GRXCR2: variants seen among roughly 807,000 people sequenced by gnomAD.
GRXCR2 encodes the protein glutaredoxin and cysteine rich domain containing 2, also known as glutaredoxin domain-containing cysteine-rich protein 2.
In GRXCR2, 23 loss-of-function variants were observed where a neutral mutation model predicts 24.8. The ratio of observed to expected loss-of-function variants is 0.93; its 90% CI spans 0.67 to 1.32. The LOEUF is 1.32. Among genes scored for constraint, GRXCR2 ranks in the 40% most tolerant of loss-of-function variants. The pLI is 0.00. For missense variants in GRXCR2, 315 were observed against 303.4 expected, an observed-to-expected ratio of 1.04 and a Z score of -0.28; for synonymous variants, 130 against 116.1, an observed-to-expected ratio of 1.12 and a Z score of -0.77.
At chr5:145,859,971 A>G (rs185610236) in intron 2 of GRXCR2, 56 bp from the exon 3 acceptor site, 120 of 1,431,612 alleles carry the variant, frequency 8.4e-5, no homozygotes, top group Non-Finnish European at 1.1e-4. Flanking sequence ...CGTTGTTCAC[A>G]TGCAGGTCAA....
At chr5:145,868,502 ATTTCCTATTG>A (rs1756471869) in intron 1 of GRXCR2, among the ~76,000 whole-genome samples, 1 of 151,938 alleles carries the variant, frequency 6.6e-6, no homozygotes, top group African/African-American at 2.4e-5. Context: ...AGCAGCTTCC[ATTTCCTATTG>A]TTTTATGCAG....
chr5:145,895,327 A>G (rs1346196562), intron 2 of GRXCR2, among the ~76,000 whole-genome samples: 1 of 152,088 alleles, frequency 6.6e-6, no homozygotes, highest in Non-Finnish European at 1.5e-5. Flanking sequence ...TTCGACTAGG[A>G]AAAAAGGAAG....
At chr5:145,920,856 T>G (rs1046936323) in intron 2 of GRXCR2, among the ~76,000 whole-genome samples, 1 of 152,202 alleles carries the variant, frequency 6.6e-6, no homozygotes, top group South Asian at 2.1e-4. Flanking sequence ...GGCAGAGACC[T>G]TATAAAAAAG....
intron 1 of GRXCR2, among the ~76,000 whole-genome samples, chr5:145,870,742 A>G (rs58591044): frequency 0.021 from 3,248 of 152,266 alleles, 114 homozygotes; most frequent in African/African-American, 0.073. Context: ...GTGTGCAGCT[A>G]CATGAATCCA....
At chr5:145,860,057 T>A (rs1419467866) in intron 2 of GRXCR2, 142 bp from the exon 3 acceptor site, 6 of 654,004 alleles carry the variant, frequency 9.2e-6, no homozygotes, top group Non-Finnish European at 1.3e-5. Flanking sequence ...GAGAGAATCA[T>A]CTGGGACCCA....
At chr5:145,878,154 C>A (rs926125585) in intron 2 of GRXCR2, among the ~76,000 whole-genome samples, 10 of 152,196 alleles carry the variant, frequency 6.6e-5, no homozygotes, top group African/African-American at 2.4e-4. Context: ...AAGGATCACA[C>A]CTTCTCACCA....
chr5:145,902,746 A>G (rs530372726), intron 2 of GRXCR2, among the ~76,000 whole-genome samples: 2 of 152,316 alleles, frequency 1.3e-5, no homozygotes, highest in African/African-American at 4.8e-5. Flanking sequence ...AACAGCAAAC[A>G]TTTTTGAGCA....
chr5:145,912,953 T>C (rs1044243080), intron 2 of GRXCR2, among the ~76,000 whole-genome samples: 13 of 152,250 alleles, frequency 8.5e-5, no homozygotes, highest in African/African-American at 3.1e-4. Flanking sequence ...GGAAACGCTC[T>C]GATTTACATT....
intron 2 of GRXCR2, among the ~76,000 whole-genome samples, chr5:145,923,593 G>T (rs1479288961): frequency 2.0e-5 from 3 of 152,150 alleles, no homozygotes; most frequent in Non-Finnish European, 2.9e-5. Context: ...ATTGAGTGGT[G>T]CTAGTTGCTT....
At chr5:145,893,340 A>G (rs956163299) in intron 2 of GRXCR2, among the ~76,000 whole-genome samples, 2 of 152,202 alleles carry the variant, frequency 1.3e-5, no homozygotes, top group African/African-American at 4.8e-5. Flanking sequence ...AGAATGGCAA[A>G]TCGGATAAAG....
chr5:145,898,940 G>T (rs1756989269), intron 2 of GRXCR2, among the ~76,000 whole-genome samples: 1 of 152,022 alleles, frequency 6.6e-6, no homozygotes, highest in Admixed American at 6.6e-5. Flanking sequence ...GAGATAAAAG[G>T]CATCGAAATA....
At chr5:145,898,817 A>T (rs1479853365) in intron 2 of GRXCR2, among the ~76,000 whole-genome samples, 1 of 152,164 alleles carries the variant, frequency 6.6e-6, no homozygotes, top group Non-Finnish European at 1.5e-5. Flanking sequence ...CCAATATCAT[A>T]CTAAATAGGC....
At chr5:145,910,544 T>C (rs1401978785) in intron 2 of GRXCR2, among the ~76,000 whole-genome samples, 1 of 152,200 alleles carries the variant, frequency 6.6e-6, no homozygotes, top group East Asian at 1.9e-4. Context: ...ATACTTATAA[T>C]AGTATAAGTA....
intron 2 of GRXCR2, among the ~76,000 whole-genome samples, chr5:145,926,792 C>T (rs576933077): frequency 6.6e-6 from 1 of 152,064 alleles, no homozygotes. Flanking sequence ...GATGGGGATG[C>T]CATTGAATCT....
At chr5:145,877,639 G>T (rs190493069), upstream of GRXCR2, among the ~76,000 whole-genome samples, 19 of 152,334 alleles carry the variant, frequency 1.2e-4, no homozygotes, top group East Asian at 3.7e-3. Flanking sequence ...AGCTCCCAAA[G>T]TGATCAACGC....
intron 2 of GRXCR2, among the ~76,000 whole-genome samples, chr5:145,913,645 C>G (rs765761988): frequency 6.6e-6 from 1 of 152,080 alleles, no homozygotes; most frequent in African/African-American, 2.4e-5. Context: ...GTCCAGCCCA[C>G]AGAAGCTTTT....
At chr5:145,904,862 A>G (rs1056684265) in intron 2 of GRXCR2, among the ~76,000 whole-genome samples, 1 of 152,174 alleles carries the variant, frequency 6.6e-6, no homozygotes, top group Non-Finnish European at 1.5e-5. Context: ...GTAGCAGCTG[A>G]GGACTTAACT....
At chr5:145,874,894 C>G (rs1224917022), upstream of GRXCR2, among the ~76,000 whole-genome samples, 1 of 152,196 alleles carries the variant, frequency 6.6e-6, no homozygotes, top group Admixed American at 6.5e-5. Flanking sequence ...GTTTCTGTCT[C>G]TTATCCAGTA....
At chr5:145,915,852 A>C (rs1016568289) in intron 2 of GRXCR2, among the ~76,000 whole-genome samples, 5 of 152,196 alleles carry the variant, frequency 3.3e-5, no homozygotes, top group Non-Finnish European at 5.9e-5. Context: ...TTCACCTCTA[A>C]GAGTCAGCTC....
Sources: allele counts gnomAD v4.1 joint callset (sites outside exome capture counted in the v4.1 genomes callset), GRCh38; gene constraint gnomAD v4.1.1; transcripts MANE v1.5; gene names NCBI Gene and HGNC (gene_info 2026-07-23, HGNC 2026-07-21).